The following SOX6 variants were observed in gnomAD, a reference collection of about 807,000 sequenced individuals.
SOX6 encodes the protein SRY-box transcription factor 6.
Under a neutral mutation model 97.8 loss-of-function variants are expected in SOX6, and 11 were observed. That is an observed-to-expected ratio of 0.11 (90% CI 0.07 to 0.19). SOX6 has a LOEUF of 0.19. Among genes scored for constraint, SOX6 ranks in the 10% least tolerant of loss-of-function variants. The pLI is 1.00. For synonymous variants in SOX6, 360 were observed against 371.4 expected (o/e 0.97, Z 0.35); for missense variants, 810 against 1,039.5 (o/e 0.78, Z 3.04).
chr11:16,463,389 A>G (rs1859968993), intron 1 of SOX6, among the ~76,000 whole-genome samples: 1 of 152,242 alleles, frequency 6.6e-6, no homozygotes, highest in South Asian at 2.1e-4. Context: ...AGACTAGTGT[A>G]GAGACTACAC....
chr11:16,729,002 G>A (rs1848328711), intron 2 of SOX6, among the ~76,000 whole-genome samples: 1 of 152,102 alleles, frequency 6.6e-6, no homozygotes, highest in African/African-American at 2.4e-5. Flanking sequence ...TCAACTTAAT[G>A]AAATAAAGCA....
chr11:16,587,983 C>T (rs1848113464), intron 4 of SOX6, among the ~76,000 whole-genome samples: 1 of 152,200 alleles, frequency 6.6e-6, no homozygotes, highest in Non-Finnish European at 1.5e-5. Context: ...TTCTAAAGTT[C>T]TCATTAGACA....
intron 3 of SOX6, among the ~76,000 whole-genome samples, chr11:16,642,505 A>C (rs1246141210): frequency 1.3e-5 from 2 of 152,166 alleles, no homozygotes; most frequent in Non-Finnish European, 2.9e-5. Flanking sequence ...AATATCCTGC[A>C]GTGTTTTCCA....
At chr11:16,724,222 T>C (rs538054047) in intron 2 of SOX6, among the ~76,000 whole-genome samples, 4 of 152,174 alleles carry the variant, frequency 2.6e-5, no homozygotes, top group Admixed American at 6.6e-5. Context: ...TCAATAAACA[T>C]GTATACCATA....
At chr11:16,189,092 A>T (rs1452011423) in intron 4 of SOX6, among the ~76,000 whole-genome samples, 1 of 152,140 alleles carries the variant, frequency 6.6e-6, no homozygotes, top group African/African-American at 2.4e-5. Context: ...AATTGAAGAG[A>T]CACCTTAATC....
chr11:16,498,154 G>A (rs1354796272), intron 4 of SOX6, among the ~76,000 whole-genome samples: 3 of 152,152 alleles, frequency 2.0e-5, no homozygotes, highest in African/African-American at 7.2e-5. Context: ...GACAGTGGGG[G>A]CCAATATTCA....
At chr11:16,558,632 T>C (rs1847775373) in intron 4 of SOX6, among the ~76,000 whole-genome samples, 1 of 152,004 alleles carries the variant, frequency 6.6e-6, no homozygotes, top group Non-Finnish European at 1.5e-5. Context: ...GGAGTTGTAC[T>C]CTAGTAAACT....
chr11:16,196,711 T>G (rs1851786579), intron 4 of SOX6, among the ~76,000 whole-genome samples: 1 of 152,132 alleles, frequency 6.6e-6, no homozygotes, highest in Non-Finnish European at 1.5e-5. Flanking sequence ...GTGCTCAGAC[T>G]TCTACCTTGA....
At chr11:16,154,249 GA>G (rs901219337) in intron 6 of SOX6, among the ~76,000 whole-genome samples, 193 of 151,636 alleles carry the variant, frequency 1.3e-3, no homozygotes, top group African/African-American at 4.5e-3. Flanking sequence ...GTAAATACAT[GA>G]AAAAAAAGTA....
chr11:16,453,109 G>T (rs1859751252), intron 1 of SOX6, among the ~76,000 whole-genome samples: 1 of 152,100 alleles, frequency 6.6e-6, no homozygotes, highest in Non-Finnish European at 1.5e-5. Context: ...TGATATCAAG[G>T]TGTATAATCA....
intron 3 of SOX6, among the ~76,000 whole-genome samples, chr11:16,237,236 A>C (rs1853051252): frequency 6.6e-6 from 1 of 152,008 alleles, no homozygotes; most frequent in African/African-American, 2.4e-5. Flanking sequence ...AATTGGTGCT[A>C]AGCATTCTCC....
At chr11:16,195,934 T>C (rs1330235938) in intron 4 of SOX6, among the ~76,000 whole-genome samples, 3 of 152,134 alleles carry the variant, frequency 2.0e-5, no homozygotes, top group Non-Finnish European at 4.4e-5. Context: ...TGGAGAAGTC[T>C]AGGAAGTGAG....
chr11:16,482,097 A>G (rs1469165321), intron 4 of SOX6, among the ~76,000 whole-genome samples: 2 of 150,508 alleles, frequency 1.3e-5, no homozygotes, highest in Admixed American at 6.7e-5. Flanking sequence ...GTATGTGAAA[A>G]GTATCCATTT....
At chr11:15,975,715 C>G (rs543425977) in intron 15 of SOX6, among the ~76,000 whole-genome samples, 90 of 152,240 alleles carry the variant, frequency 5.9e-4, no homozygotes, top group African/African-American at 2.1e-3. Context: ...TCAGAAAATT[C>G]AAGCTGTTTG....
chr11:16,236,406 C>T (rs988460368), intron 3 of SOX6, among the ~76,000 whole-genome samples: 1 of 151,942 alleles, frequency 6.6e-6, no homozygotes, highest in African/African-American at 2.4e-5. Flanking sequence ...TCACAGATTG[C>T]TTTTTCTCAA....
At chr11:16,231,777 T>C (rs1468328836) in intron 4 of SOX6, among the ~76,000 whole-genome samples, 2 of 151,784 alleles carry the variant, frequency 1.3e-5, no homozygotes, top group Non-Finnish European at 3.0e-5. Context: ...GAAAACCTCA[T>C]TTTATGCAAT....
At chr11:15,990,467 G>C (rs1424863420) in intron 13 of SOX6, among the ~76,000 whole-genome samples, 1 of 151,516 alleles carries the variant, frequency 6.6e-6, no homozygotes, top group Non-Finnish European at 1.5e-5. Context: ...CCTGAAGATA[G>C]GGCAAGGGAT....
intron 4 of SOX6, among the ~76,000 whole-genome samples, chr11:16,513,565 G>A (rs542824886): frequency 7.2e-5 from 11 of 152,266 alleles, no homozygotes; most frequent in African/African-American, 1.7e-4. Context: ...CCCGGGAGGC[G>A]GAGGTTGCAG....
chr11:16,085,714 C>T (rs574350645), intron 9 of SOX6, among the ~76,000 whole-genome samples: 1 of 152,102 alleles, frequency 6.6e-6, no homozygotes, highest in African/African-American at 2.4e-5. Context: ...CATAAATGAC[C>T]ATAATCTGTT....
Sources: gnomAD v4.1 joint callset for allele counts (sites outside exome capture counted in the v4.1 genomes callset) on GRCh38, gnomAD v4.1.1 for gene constraint, MANE v1.5 for transcripts, NCBI Gene and HGNC (gene_info 2026-07-23, HGNC 2026-07-21) for gene names.